ZNF385D: variants seen among roughly 807,000 people sequenced by gnomAD.
ZNF385D encodes zinc finger protein 659.
In ZNF385D, 15 loss-of-function variants were observed where a neutral mutation model predicts 35.8. The ratio of observed to expected loss-of-function variants is 0.42; its 90% CI spans 0.28 to 0.64. The LOEUF (loss-of-function observed/expected upper bound fraction) is 0.64. Among genes scored for constraint, ZNF385D ranks in the 30% least tolerant of loss-of-function variants. ZNF385D has a pLI of 0.23. For synonymous variants in ZNF385D, 212 were observed against 186.8 expected (o/e 1.13, Z -1.10); for missense variants, 474 against 494.6 (o/e 0.96, Z 0.39).
intron 3 of ZNF385D, among the ~76,000 whole-genome samples, chr3:21,760,083 G>A (rs936504355): frequency 5.3e-5 from 8 of 152,154 alleles, no homozygotes; most frequent in African/African-American, 1.9e-4. Flanking sequence ...AAATATTACA[G>A]TTTCAACATT....
intron 3 of ZNF385D, among the ~76,000 whole-genome samples, chr3:21,822,826 A>T (rs1694355948): frequency 6.6e-6 from 1 of 152,206 alleles, no homozygotes; most frequent in Non-Finnish European, 1.5e-5. Context: ...ACAAGTGACA[A>T]ATTAATGCAT....
At chr3:22,283,562 G>A (rs1350290905) in intron 2 of ZNF385D, among the ~76,000 whole-genome samples, 1 of 152,078 alleles carries the variant, frequency 6.6e-6, no homozygotes, top group Non-Finnish European at 1.5e-5. Flanking sequence ...AAAGCATCTG[G>A]ATCCAGAATA....
chr3:22,143,698 C>T (rs1429353792), intron 3 of ZNF385D, among the ~76,000 whole-genome samples: 2 of 152,114 alleles, frequency 1.3e-5, no homozygotes, highest in Non-Finnish European at 2.9e-5. Context: ...AACATATTAA[C>T]AAATTCCTCC....
chr3:21,724,324 G>A (rs991015011), intron 1 of ZNF385D, among the ~76,000 whole-genome samples: 1 of 151,464 alleles, frequency 6.6e-6, no homozygotes. Context: ...ATGTAACAGG[G>A]CTAAATGACC....
chr3:21,973,765 A>G (rs1377714469), intron 3 of ZNF385D, among the ~76,000 whole-genome samples: 2 of 152,074 alleles, frequency 1.3e-5, no homozygotes, highest in Non-Finnish European at 2.9e-5. Context: ...AATCAGTACC[A>G]TTTCTATATG....
intron 3 of ZNF385D, among the ~76,000 whole-genome samples, chr3:21,868,253 A>G (rs1282135534): frequency 1.3e-5 from 2 of 152,102 alleles, no homozygotes; most frequent in African/African-American, 4.8e-5. Flanking sequence ...TCCATATACA[A>G]ATGGCTATGG....
intron 1 of ZNF385D, among the ~76,000 whole-genome samples, chr3:21,711,088 A>C (rs59102783): frequency 0.2 from 24,072 of 118,132 alleles, 2,568 homozygotes; most frequent in Admixed American, 0.37. Context: ...GTCGCCTAGG[A>C]TGGAGTGCAG....
intron 3 of ZNF385D, among the ~76,000 whole-genome samples, chr3:22,085,956 C>A (rs570897345): frequency 6.6e-6 from 1 of 151,706 alleles, no homozygotes; most frequent in Non-Finnish European, 1.5e-5. Flanking sequence ...ATAGAAACCA[C>A]GATTATCTCA....
intron 2 of ZNF385D, among the ~76,000 whole-genome samples, chr3:22,278,684 CCACTT>C (rs370380779): frequency 7.6e-4 from 116 of 152,216 alleles, no homozygotes; most frequent in African/African-American, 2.7e-3. Flanking sequence ...TTGACACTCT[CCACTT>C]CTTTTTCATT....
Position 21,948,529 on chromosome 3 carries a change from G to A in ZNF385D, c.325+220288C>T, listed in dbSNP as rs1054759758. Among the ~76,000 whole-genome samples the A allele has an allele frequency of 2.6e-5, 4 of 151,950 alleles. 1 individual carries two copies. The highest frequency in any genetic ancestry group is 6.6e-5 in the Admixed American group (1 of 15,252). On this transcript the variant is annotated intron_variant, in intron 3 of 5. Coordinates refer to the ZNF385D transcript ENST00000494108. ...GGACATATAGTCACATAACTACCCC[G>A]CTTCTCACATCTAATATTATATATT...
At chr3:22,078,534 C>G (rs1305915696) in intron 3 of ZNF385D, among the ~76,000 whole-genome samples, 1 of 152,052 alleles carries the variant, frequency 6.6e-6, no homozygotes, top group Non-Finnish European at 1.5e-5. Context: ...GATTTTGCAA[C>G]ACTGTATGAA....
chr3:21,705,797 G>A (rs2067876663), intron 1 of ZNF385D, among the ~76,000 whole-genome samples: 1 of 152,130 alleles, frequency 6.6e-6, no homozygotes, highest in South Asian at 2.1e-4. Context: ...CATTCGAGGT[G>A]GATTTTGCTG....
chr3:21,598,884 G>C (rs1193718305), intron 2 of ZNF385D, among the ~76,000 whole-genome samples: 2 of 152,038 alleles, frequency 1.3e-5, no homozygotes, highest in African/African-American at 4.8e-5. Flanking sequence ...ATTCCCTTAT[G>C]ATCAGAAAAA....
intron 3 of ZNF385D, among the ~76,000 whole-genome samples, chr3:21,816,744 A>T (rs1259608659): frequency 6.6e-6 from 1 of 152,224 alleles, no homozygotes; most frequent in Non-Finnish European, 1.5e-5. Flanking sequence ...AATATCATGA[A>T]AATGGCCATA....
At chr3:22,107,042 T>TTTTTTTTTTTAA (rs10688533) in intron 3 of ZNF385D, among the ~76,000 whole-genome samples, 1 of 149,386 alleles carries the variant, frequency 6.7e-6, no homozygotes, top group African/African-American at 2.4e-5. Context: ...TTTTTTTTTT[T>TTTTTTTTTTTAA]AGACAGAGTT....
At chr3:22,345,611 A>T (rs1426227211) in intron 2 of ZNF385D, among the ~76,000 whole-genome samples, 4 of 152,202 alleles carry the variant, frequency 2.6e-5, no homozygotes, top group South Asian at 4.1e-4. Flanking sequence ...GCTTAATATA[A>T]CTTATGTACA....
At chr3:22,355,082 T>C (rs1236179184) in intron 2 of ZNF385D, among the ~76,000 whole-genome samples, 2 of 152,088 alleles carry the variant, frequency 1.3e-5, no homozygotes, top group African/African-American at 2.4e-5. Flanking sequence ...ACTTATGATA[T>C]AGTAAGTGTA....
chr3:21,492,218 C>G (rs775415485), intron 4 of ZNF385D, among the ~76,000 whole-genome samples: 1 of 151,974 alleles, frequency 6.6e-6, no homozygotes, highest in Non-Finnish European at 1.5e-5. Context: ...AAAGCAAAGT[C>G]TTTCTAAGGT....
intron 2 of ZNF385D, among the ~76,000 whole-genome samples, chr3:21,571,417 G>T (rs561318355): frequency 6.6e-5 from 10 of 152,182 alleles, no homozygotes; most frequent in African/African-American, 2.4e-4. Context: ...ACAATTCTAG[G>T]CATGTGATTT....
Sources: gnomAD v4.1 joint callset for allele counts (sites outside exome capture counted in the v4.1 genomes callset) on GRCh38, gnomAD v4.1.1 for gene constraint, MANE v1.5 for transcripts, NCBI Gene and HGNC (gene_info 2026-07-23, HGNC 2026-07-21) for gene names.